Variants in CCSER1 observed in about 807,000 individuals in gnomAD.
The protein encoded by CCSER1 is serine-rich coiled-coil domain-containing protein 1.
CCSER1 carries 41 observed loss-of-function variants against 82.0 expected under a neutral mutation model. The ratio of observed to expected loss-of-function variants is 0.50; its 90% CI spans 0.39 to 0.65. The LOEUF (loss-of-function observed/expected upper bound fraction) is 0.65, where lower values mean the gene tolerates loss of function less well. CCSER1 is among the 30% of genes least tolerant of loss of function. The pLI is 0.00. For missense variants in CCSER1, 1,119 were observed against 1,064.2 expected (o/e 1.05, Z -0.72); for synonymous variants, 414 against 383.9 (o/e 1.08, Z -0.92).
chr4:90,906,969 G>A (rs1412544918), intron 8 of CCSER1, among the ~76,000 whole-genome samples: 1 of 151,986 alleles, frequency 6.6e-6, no homozygotes, highest in Non-Finnish European at 1.5e-5. Context: ...GCTTAAAGGG[G>A]GGCAATAAAT....
At chr4:90,426,614 A>C (rs1757561721) in intron 4 of CCSER1, among the ~76,000 whole-genome samples, 1 of 152,164 alleles carries the variant, frequency 6.6e-6, no homozygotes, top group Non-Finnish European at 1.5e-5. Context: ...ATCATGTATA[A>C]AAATTTAAAT....
intron 5 of CCSER1, among the ~76,000 whole-genome samples, chr4:90,483,415 A>T (rs1388625660): frequency 6.6e-6 from 1 of 152,164 alleles, no homozygotes; most frequent in African/African-American, 2.4e-5. Context: ...TCCTGTCATT[A>T]TGATGTTACC....
chr4:91,063,626 G>T (rs1028094133), intron 9 of CCSER1, among the ~76,000 whole-genome samples: 7 of 152,094 alleles, frequency 4.6e-5, no homozygotes, highest in Admixed American at 3.9e-4. Context: ...AAGTGAGGGT[G>T]AAGGTTGGTA....
intron 1 of CCSER1, among the ~76,000 whole-genome samples, chr4:90,180,361 C>G (rs370343673): frequency 6.6e-6 from 1 of 151,816 alleles, no homozygotes. Context: ...TGCCAAGGTG[C>G]GTGGAGTGCT....
At chr4:90,636,607 G>A (rs1347451838) in intron 6 of CCSER1, among the ~76,000 whole-genome samples, 1 of 151,906 alleles carries the variant, frequency 6.6e-6, no homozygotes, top group Admixed American at 6.6e-5. Flanking sequence ...AAAAGCACAA[G>A]ACTGTATTAA....
At chr4:90,820,158 A>G (rs1326903808) in intron 8 of CCSER1, among the ~76,000 whole-genome samples, 1 of 152,146 alleles carries the variant, frequency 6.6e-6, no homozygotes, top group Admixed American at 6.5e-5. Flanking sequence ...GTGATATGGA[A>G]AATTGGGATA....
At chr4:91,597,746 C>T (rs1764651001) in intron 10 of CCSER1, among the ~76,000 whole-genome samples, 1 of 151,636 alleles carries the variant, frequency 6.6e-6, no homozygotes, top group African/African-American at 2.4e-5. Context: ...TTCTTTGTAG[C>T]AACAATAAAT....
intron 8 of CCSER1, among the ~76,000 whole-genome samples, chr4:90,890,687 G>C (rs930386382): frequency 2.0e-5 from 3 of 152,086 alleles, no homozygotes; most frequent in Non-Finnish European, 4.4e-5. Context: ...GCAGTCCTTT[G>C]GATGTACTTC....
intron 10 of CCSER1, among the ~76,000 whole-genome samples, chr4:91,276,482 T>G (rs962973269): frequency 2.6e-5 from 4 of 152,050 alleles, no homozygotes; most frequent in Non-Finnish European, 1.5e-5. Context: ...GATTTTTGTA[T>G]GTTGGTTTTT....
chr4:91,010,105 TTTGC>T (rs1452706937), intron 9 of CCSER1, among the ~76,000 whole-genome samples: 2 of 152,204 alleles, frequency 1.3e-5, no homozygotes, highest in African/African-American at 2.4e-5. Context: ...TTATTTGACC[TTTGC>T]TTGTCTGGGA....
intron 10 of CCSER1, among the ~76,000 whole-genome samples, chr4:91,458,105 A>AT (rs1756295804): frequency 6.6e-6 from 1 of 151,990 alleles, no homozygotes; most frequent in South Asian, 2.1e-4. Flanking sequence ...TAGTTCTCCA[A>AT]TTTTTTTCTT....
At chr4:91,178,603 G>A (rs1733659344) in intron 10 of CCSER1, among the ~76,000 whole-genome samples, 1 of 152,110 alleles carries the variant, frequency 6.6e-6, no homozygotes, top group African/African-American at 2.4e-5. Flanking sequence ...TTTAAAGTCT[G>A]TTGTATCAGA....
intron 6 of CCSER1, among the ~76,000 whole-genome samples, chr4:90,718,287 A>C (rs1742013549): frequency 6.6e-6 from 1 of 152,118 alleles, no homozygotes; most frequent in Non-Finnish European, 1.5e-5. Flanking sequence ...TTTCACCTAC[A>C]CTTAAATCTT....
intron 5 of CCSER1, among the ~76,000 whole-genome samples, chr4:90,509,122 T>C (rs1294190392): frequency 2.6e-5 from 4 of 152,090 alleles, no homozygotes; most frequent in African/African-American, 9.6e-5. Flanking sequence ...ACGTTTTTGC[T>C]ATTGTGTATT....
At chr4:91,181,372 T>A (rs1410851679) in intron 10 of CCSER1, among the ~76,000 whole-genome samples, 2 of 152,220 alleles carry the variant, frequency 1.3e-5, no homozygotes, top group Admixed American at 1.3e-4. Flanking sequence ...TTTAATGGGT[T>A]ACTAGCTGCT....
chr4:90,944,489 C>T (rs879451241), intron 9 of CCSER1, among the ~76,000 whole-genome samples: 2 of 152,120 alleles, frequency 1.3e-5, no homozygotes, highest in African/African-American at 2.4e-5. Flanking sequence ...GGCAGCTCTC[C>T]AAGGTCTTTC....
chr4:91,062,787 A>G (rs1178580173), intron 9 of CCSER1, among the ~76,000 whole-genome samples: 4 of 152,058 alleles, frequency 2.6e-5, no homozygotes, highest in Non-Finnish European at 4.4e-5. Context: ...TTTTTTTGTC[A>G]TCTCACTAAA....
At chr4:90,323,034 G>A (rs77656933) in intron 3 of CCSER1, among the ~76,000 whole-genome samples, 2,935 of 152,308 alleles carry the variant, frequency 0.019, 66 homozygotes, top group African/African-American at 0.06. Context: ...TCTAGCCCAG[G>A]CTGGGTCTAG....
intron 9 of CCSER1, among the ~76,000 whole-genome samples, chr4:91,040,917 A>G (rs1741903844): frequency 6.6e-6 from 1 of 152,210 alleles, no homozygotes; most frequent in Admixed American, 6.5e-5. Flanking sequence ...AGTGTTATCA[A>G]TGAAGTTCAA....
Sources: allele counts gnomAD v4.1 joint callset (sites outside exome capture counted in the v4.1 genomes callset), GRCh38; gene constraint gnomAD v4.1.1; transcripts MANE v1.5; gene names NCBI Gene and HGNC (gene_info 2026-07-23, HGNC 2026-07-21).